ANK3: variants seen among roughly 807,000 people sequenced by gnomAD.
The protein encoded by ANK3 is ankyrin 3, also known as ankyrin-3.
In ANK3, 57 loss-of-function variants were observed where a neutral mutation model predicts 370.9. The ratio of observed to expected loss-of-function variants is 0.15; its 90% confidence interval spans 0.12 to 0.19. The LOEUF (loss-of-function observed/expected upper bound fraction) is 0.19, where lower values mean the gene tolerates loss of function less well. Among genes scored for constraint, ANK3 ranks in the 10% least tolerant of loss-of-function variants. ANK3 has a pLI of 1.00. For missense variants in ANK3, 4,439 were observed against 5,302.1 expected (o/e 0.84, Z 5.06); for synonymous variants, 1,929 against 1,946.3 (o/e 0.99, Z 0.23).
intron 2 of ANK3, among the ~76,000 whole-genome samples, chr10:60,461,206 A>G (rs1258862904): frequency 6.6e-6 from 1 of 152,118 alleles, no homozygotes; most frequent in Admixed American, 6.6e-5. Context: ...TCTCAAGGGG[A>G]GAGCATCCTT....
chr10:60,604,827 T>A (rs933679237), intron 2 of ANK3, among the ~76,000 whole-genome samples: 1 of 152,120 alleles, frequency 6.6e-6, no homozygotes, highest in African/African-American at 2.4e-5. Flanking sequence ...CCAACACTCA[T>A]AGATAGTGTG....
chr10:60,514,741 G>C (rs1263235202), intron 2 of ANK3, among the ~76,000 whole-genome samples: 1 of 152,036 alleles, frequency 6.6e-6, no homozygotes, highest in African/African-American at 2.4e-5. Context: ...GCAATAAAAT[G>C]TTCTCCTAAT....
At chr10:60,426,535 T>G (rs2063891946) in intron 2 of ANK3, among the ~76,000 whole-genome samples, 1 of 152,122 alleles carries the variant, frequency 6.6e-6, no homozygotes, top group Non-Finnish European at 1.5e-5. Flanking sequence ...CAATGAGTCA[T>G]TTGGCAAATC....
intron 1 of ANK3, among the ~76,000 whole-genome samples, chr10:60,694,331 T>C (rs1228107894): frequency 2.0e-5 from 3 of 152,148 alleles, no homozygotes; most frequent in African/African-American, 4.8e-5. Context: ...CGGCAGGATA[T>C]TATCCAGGAG....
At chr10:60,251,332 G>A (rs2097661894) in intron 7 of ANK3, among the ~76,000 whole-genome samples, 1 of 152,086 alleles carries the variant, frequency 6.6e-6, no homozygotes, top group African/African-American at 2.4e-5. Flanking sequence ...GACCAACCAT[G>A]GATTTCTGGG....
intron 1 of ANK3, among the ~76,000 whole-genome samples, chr10:60,322,174 ACTT>A (rs2048819218): frequency 6.6e-6 from 1 of 152,076 alleles, no homozygotes; most frequent in African/African-American, 2.4e-5. Context: ...TTTTTTACAA[ACTT>A]TTAAGCTATT....
chr10:60,492,901 C>T (rs1032442274), intron 2 of ANK3, among the ~76,000 whole-genome samples: 3 of 146,186 alleles, frequency 2.1e-5, no homozygotes, highest in African/African-American at 7.6e-5. Context: ...ACGGTGAAAC[C>T]CTGTCTCTAC....
At chr10:60,526,659 T>C (rs1014469173) in intron 2 of ANK3, among the ~76,000 whole-genome samples, 1 of 152,108 alleles carries the variant, frequency 6.6e-6, no homozygotes, top group South Asian at 2.1e-4. Context: ...AGTGCCAAAT[T>C]AATATTTTCT....
intron 4 of ANK3, 82 bp downstream of exon 4, chr10:60,278,692 G>A: frequency 1.8e-6 from 2 of 1,085,106 alleles, no homozygotes; most frequent in South Asian, 1.3e-5. Context: ...TAGAGGATAT[G>A]TGAACTAAGC....
At position 60,549,310 on chromosome 10, in the gene ANK3, T is replaced by C. The variant is rs72822813; in HGVS notation, c.96+65876A>G. Among the ~76,000 whole-genome samples, 864 of 152,274 alleles carry C rather than the reference T, an allele frequency of 5.7e-3. 4 individuals carry two copies. The highest frequency in any genetic ancestry group is 0.01 in the Middle Eastern group (3 of 294). On this transcript the variant is annotated intron_variant, in intron 2 of 43. Coordinates refer to the ANK3 transcript ENST00000373827. ...TAGTTTAGAATATTAATAATTAATA[T>C]TTGGCTTACTGCTTATGATTCAAAC...
chr10:60,249,521 T>G (rs2097612016), intron 7 of ANK3, among the ~76,000 whole-genome samples: 2 of 152,230 alleles, frequency 1.3e-5, no homozygotes, highest in African/African-American at 4.8e-5. Context: ...TTCTGAGATA[T>G]CAGTTAACTT....
At chr10:60,467,256 G>A (rs1839078914) in intron 2 of ANK3, among the ~76,000 whole-genome samples, 1 of 152,138 alleles carries the variant, frequency 6.6e-6, no homozygotes, top group Admixed American at 6.6e-5. Flanking sequence ...TTTCATAGGA[G>A]AAAAGAGCAA....
At chr10:60,512,309 C>T (rs1332264610) in intron 2 of ANK3, among the ~76,000 whole-genome samples, 2 of 152,076 alleles carry the variant, frequency 1.3e-5, no homozygotes, top group Non-Finnish European at 2.9e-5. Flanking sequence ...GCTGCTTTTA[C>T]CCCCTGCATC....
At chr10:60,353,467 A>G (rs2057258125) in intron 1 of ANK3, among the ~76,000 whole-genome samples, 1 of 152,086 alleles carries the variant, frequency 6.6e-6, no homozygotes, top group South Asian at 2.1e-4. Context: ...TTAGATTCTC[A>G]TACTATTTAC....
intron 42 of ANK3, among the ~76,000 whole-genome samples, chr10:60,047,266 C>T (rs2077129060): frequency 6.6e-6 from 1 of 152,146 alleles, no homozygotes; most frequent in Non-Finnish European, 1.5e-5. Flanking sequence ...ACATTTTCAC[C>T]TCTGGTGACG....
chr10:60,414,558 T>A (rs2063622634), intron 2 of ANK3, among the ~76,000 whole-genome samples: 1 of 152,056 alleles, frequency 6.6e-6, no homozygotes, highest in Non-Finnish European at 1.5e-5. Context: ...GAGGGAGATC[T>A]CCTTTGGAGA....
intron 2 of ANK3, among the ~76,000 whole-genome samples, chr10:60,533,184 C>A (rs1055580369): frequency 2.0e-5 from 3 of 152,014 alleles, no homozygotes; most frequent in South Asian, 2.1e-4. Context: ...TGGTACCAGG[C>A]CTTGGAAGGC....
chr10:60,328,600 A>G, intron 1 of ANK3, among the ~76,000 whole-genome samples: 1 of 152,240 alleles, frequency 6.6e-6, no homozygotes, highest in East Asian at 1.9e-4. Context: ...AAGAAGTCCA[A>G]TCCCTGAATG....
chr10:60,692,028 C>T lies in ANK3; in HGVS notation c.57+41235G>A, dbSNP rs530949601. On this transcript the variant is annotated intron_variant, in intron 1 of 43. Coordinates refer to the ANK3 transcript ENST00000373827. ...CCAAGTAGCCCTCTATTTCTCATCACTAGCTAAATTCAAGCCATCATCAAG... is the reference window on the plus strand; with the variant it reads ...CCAAGTAGCCCTCTATTTCTCATCATTAGCTAAATTCAAGCCATCATCAAG... Among the ~76,000 whole-genome samples, 6 of 152,308 alleles carry T rather than the reference C, an allele frequency of 3.9e-5. No individual in the cohort carries two copies. In the East Asian group the frequency reaches 5.8e-4, roughly 15 times the overall value.
Sources: gnomAD v4.1 joint callset for allele counts (sites outside exome capture counted in the v4.1 genomes callset) on GRCh38, gnomAD v4.1.1 for gene constraint, MANE v1.5 for transcripts, NCBI Gene and HGNC (gene_info 2026-07-23, HGNC 2026-07-21) for gene names.